Variants in ZNF652 observed in about 807,000 individuals in gnomAD.
ZNF652 encodes zinc finger protein 652.
Under a neutral mutation model 45.2 loss-of-function variants are expected in ZNF652, and 16 were observed. The observed-to-expected ratio is 0.35, with a 90% CI of 0.24 to 0.54. ZNF652 has a LOEUF of 0.54. Among genes scored for constraint, ZNF652 ranks in the 20% least tolerant of loss-of-function variants. The probability of loss-of-function intolerance (pLI) is 0.91; values close to 1 mark genes in which losing one functional copy is unlikely to be tolerated. For synonymous variants in ZNF652, 250 were observed against 260.6 expected, an observed-to-expected ratio of 0.96 and a Z score of 0.39; for missense variants, 614 against 765.6, an observed-to-expected ratio of 0.80 and a Z score of 2.34.
intron 3 of ZNF652, 104 bp from the exon 4 acceptor site, chr17:49,312,146 CTGATTTG>C (rs2069721255): frequency 7.1e-6 from 3 of 419,958 alleles, no homozygotes; most frequent in Non-Finnish European, 1.3e-5. Context: ...ATTTTCTACA[CTGATTTG>C]TGAGGCTTTT....
At chr17:49,342,561 G>GAA (rs2070159882) in intron 1 of ZNF652, among the ~76,000 whole-genome samples, 2 of 139,916 alleles carry the variant, frequency 1.4e-5, no homozygotes, top group South Asian at 2.8e-4. Context: ...TAAAGGGGGG[G>GAA]GGGGGGGGGG....
intron 1 of ZNF652, among the ~76,000 whole-genome samples, chr17:49,322,876 C>T (rs535992286): frequency 1.2e-3 from 183 of 152,266 alleles, no homozygotes; most frequent in African/African-American, 4.3e-3. Flanking sequence ...CAGAGCAAGA[C>T]TCCGTCTCAA....
chr17:49,319,916 CAATTCA>C (rs1444179627), intron 1 of ZNF652, among the ~76,000 whole-genome samples: 4 of 152,132 alleles, frequency 2.6e-5, no homozygotes, highest in Admixed American at 1.3e-4. Context: ...CATAGTCTTA[CAATTCA>C]AATGTATTGG....
In ZNF652 at chr17:49,294,516, CTTCA is replaced by C. The variant is rs1299197702; in HGVS notation, c.*3893_*3896del. ...ACATGCCTTTAAATTGTTGTCTTTT[CTTCA>C]TTCAAATTTAAAAATCTAACTCCGA... On this transcript the variant is annotated 3_prime_UTR_variant, in exon 6 of 6. Coordinates refer to ENST00000430262, the MANE Select transcript of ZNF652 (RefSeq NM_001145365.3). 1 of 152,108 alleles carries C rather than the reference CTTCA, an allele frequency of 6.6e-6. No individual in the cohort carries two copies. The highest frequency in any genetic ancestry group is 1.5e-5 in the Non-Finnish European group (1 of 68,024). The allele number at this position is 152,108 out of a possible 1,614,324, so 9.4% of individuals were successfully genotyped here. A position where few individuals can be genotyped will look rare whatever the true frequency, so the allele number is the denominator to read the frequency against.
At position 49,302,671 on chromosome 17, in the gene ZNF652, T is replaced by A. The variant is rs978525473; in HGVS notation, c.1310-3747A>T. Reference sequence around the variant, plus strand: ...TAAATAAAAGCAAGTTATGAAAATGTATACATGAGGACGGGTGTGGTGGCT... The same window carrying A: ...TAAATAAAAGCAAGTTATGAAAATGAATACATGAGGACGGGTGTGGTGGCT... On this transcript the variant is annotated intron_variant, in intron 5 of 5. Transcript: ENST00000430262. 3.9e-4 allele frequency among the ~76,000 whole-genome samples: 59 copies of A among 152,234 alleles called. 1 individual carries two copies. Among genetic ancestry groups the A allele is most frequent in the African/African-American group, 1.3e-3 (56 of 41,558 alleles).
intron 1 of ZNF652, among the ~76,000 whole-genome samples, chr17:49,320,839 T>C (rs2069879633): frequency 6.6e-6 from 1 of 151,986 alleles, no homozygotes; most frequent in African/African-American, 2.4e-5. Context: ...GGCTCTCGGC[T>C]TTCTGGGCAC....
At chr17:49,328,643 C>T (rs2069992086) in intron 1 of ZNF652, among the ~76,000 whole-genome samples, 1 of 152,180 alleles carries the variant, frequency 6.6e-6, no homozygotes, top group African/African-American at 2.4e-5. Context: ...CCATGTGATA[C>T]ACCTGCTTCC....
chr17:49,351,014 T>C (rs796653900), intron 1 of ZNF652, among the ~76,000 whole-genome samples: 647 of 29,100 alleles, frequency 0.022, 12 homozygotes, highest in Middle Eastern at 0.074. Flanking sequence ...TATATATATA[T>C]ACACACACAC....
rs1223196639 is a variant in ZNF652, at chr17:49,296,431, C to T, written c.*1982G>A. 1 of 152,344 alleles carries T rather than the reference C, an allele frequency of 6.6e-6. No individual in the cohort carries two copies. The highest frequency in any genetic ancestry group is 2.4e-5 in the African/African-American group (1 of 41,354). The allele number at this position is 152,344 out of a possible 1,614,324, so 9.4% of individuals were successfully genotyped here. A position where few individuals can be genotyped will look rare whatever the true frequency, so the allele number is the denominator to read the frequency against. On this transcript the variant is annotated 3_prime_UTR_variant, in exon 6 of 6. Coordinates refer to ENST00000430262, the MANE Select transcript of ZNF652 (RefSeq NM_001145365.3). ...AATTGAAAGAGTTCATTTTTTCTTA[C>T]CACAGAGCTCATTAGTTAGAAAAGT...
At chr17:49,330,982 C>T (rs1328131953) in intron 1 of ZNF652, among the ~76,000 whole-genome samples, 4 of 150,492 alleles carry the variant, frequency 2.7e-5, no homozygotes, top group Non-Finnish European at 5.9e-5. Context: ...GAGGCTGAGA[C>T]AGGAGAATTG....
rs1275052899 is a variant in ZNF652, at chr17:49,301,416, G to A, written c.1310-2492C>T. On this transcript the variant is annotated intron_variant, in intron 5 of 5. Transcript: ENST00000430262. Reference sequence around the variant, plus strand: ...GGACTCAAGTGATCCTCCCGCCTCAGCCTTCAGAGTAGCTGGGATTACAGG... The same window carrying A: ...GGACTCAAGTGATCCTCCCGCCTCAACCTTCAGAGTAGCTGGGATTACAGG... Among the ~76,000 whole-genome samples the A allele has an allele frequency of 3.9e-5, 6 of 152,080 alleles. No homozygotes were observed. The South Asian group carries it at 1.0e-3, about 26-fold the overall frequency.
intron 5 of ZNF652, among the ~76,000 whole-genome samples, chr17:49,304,228 G>C (rs2069596649): frequency 6.6e-6 from 1 of 151,770 alleles, no homozygotes; most frequent in African/African-American, 2.4e-5. Flanking sequence ...TACTATAAGT[G>C]ATTTGCCACA....
At chr17:49,314,786 C>T (rs1186289318) in intron 2 of ZNF652, among the ~76,000 whole-genome samples, 2 of 152,146 alleles carry the variant, frequency 1.3e-5, no homozygotes, top group African/African-American at 2.4e-5. Flanking sequence ...GTAACAAGAA[C>T]TCTGAGAAGA....
At chr17:49,330,928 T>G (rs978289642) in intron 1 of ZNF652, among the ~76,000 whole-genome samples, 7 of 150,612 alleles carry the variant, frequency 4.6e-5, no homozygotes, top group Non-Finnish European at 1.0e-4. Flanking sequence ...AAAAACAAAA[T>G]TAGCTGGGCG....
intron 1 of ZNF652, among the ~76,000 whole-genome samples, chr17:49,353,035 GC>G (rs2070298956): frequency 6.6e-6 from 1 of 152,154 alleles, no homozygotes; most frequent in Non-Finnish European, 1.5e-5. Flanking sequence ...CCGTGTCCTG[GC>G]TGTGGTGGTG....
rs750555308 is a variant in ZNF652 at position 49,298,470 on chromosome 17, A to C, written c.1764T>G (p.Ser588Arg). 42 of 1,612,480 alleles carry C rather than the reference A, an allele frequency of 2.6e-5. No individual in the cohort carries two copies. The highest frequency in any genetic ancestry group is 3.2e-5 in the Non-Finnish European group (38 of 1,179,938). ...KSEPLNHRGQ[S>R]EDNFLRHLAE... ...CCAGGTGCCGCAGAAAGTTGTCCTCACTCTGGCCTCTATGATTTAAAGGCT... is the reference window on the plus strand; with the variant it reads ...CCAGGTGCCGCAGAAAGTTGTCCTCCCTCTGGCCTCTATGATTTAAAGGCT... Residue 588 changes from serine to arginine, a missense_variant, in exon 6 of 6, where the codon AGT becomes AGG. Coordinates refer to ENST00000430262, the MANE Select transcript of ZNF652 (RefSeq NM_001145365.3).
intron 1 of ZNF652, among the ~76,000 whole-genome samples, chr17:49,343,626 T>C (rs932826678): frequency 1.3e-5 from 2 of 152,128 alleles, no homozygotes; most frequent in Non-Finnish European, 2.9e-5. Flanking sequence ...AAACGTTTTG[T>C]TTTTGCTTGC....
rs149837899 is a variant in ZNF652 at position 49,330,773 on chromosome 17, G to A, written c.-258-12790C>T. The stretch of plus-strand genomic sequence containing the variant: ...ACTTTATTAAAAAAAATCAGAGGCC[G>A]GGCACAGTGGCTGACACCTGTAATC... On this transcript the variant is annotated intron_variant, in intron 1 of 5. Transcript: ENST00000430262. Among the ~76,000 whole-genome samples, 29 of 151,812 alleles carry A rather than the reference G, an allele frequency of 1.9e-4. No homozygotes were observed. The East Asian group carries it at 5.3e-3, about 28-fold the overall frequency.
intron 5 of ZNF652, among the ~76,000 whole-genome samples, chr17:49,303,850 T>A (rs2069588514): frequency 6.6e-6 from 1 of 151,914 alleles, no homozygotes; most frequent in South Asian, 2.1e-4. Context: ...CAAATCCCCT[T>A]CCTGGACCTC....
Sources: gnomAD v4.1 joint callset for allele counts (sites outside exome capture counted in the v4.1 genomes callset) on GRCh38, gnomAD v4.1.1 for gene constraint, MANE v1.5 for transcripts, NCBI Gene and HGNC (gene_info 2026-07-23, HGNC 2026-07-21) for gene names.